Variants in TET2 observed in about 807,000 individuals in gnomAD.
TET2 encodes the protein methylcytosine dioxygenase TET2.
In TET2, 299 loss-of-function variants were observed where a neutral mutation model predicts 142.9. The observed-to-expected ratio is 2.09, with a 90% CI of 1.90 to 2.30. The LOEUF is 2.30. Among genes scored for constraint, TET2 ranks in the 30% most tolerant of loss-of-function variants. The pLI is 0.00. For missense variants in TET2, 2,418 were observed against 2,378.0 expected (o/e 1.02, Z -0.35); for synonymous variants, 819 against 849.0 (o/e 0.96, Z 0.61).
intron 4 of TET2, chr4:105,242,185 T>A: frequency 9.0e-7 from 1 of 1,113,130 alleles, no homozygotes; most frequent in Non-Finnish European, 1.1e-6. Flanking sequence ...TTCCAAATTA[T>A]TCATTTCTAA....
chr4:105,264,142 A>G (rs1730579594), intron 8 of TET2, among the ~76,000 whole-genome samples: 1 of 151,984 alleles, frequency 6.6e-6, no homozygotes, highest in Admixed American at 6.6e-5. Context: ...AGGCAAATTA[A>G]ACGATGGTCT....
chr4:105,278,047 G>C lies in TET2; in HGVS notation c.*1528G>C. On this transcript the variant is annotated 3_prime_UTR_variant, in exon 11 of 11. Coordinates refer to ENST00000380013, the MANE Select transcript of TET2 (RefSeq NM_001127208.3). ...CAAAAACAGGCAGCTGGTTTGCTGT[G>C]GTGGTTTTAAATCATTAATTTGTAT... is the stretch of plus-strand genomic sequence containing the variant. The C allele has an allele frequency of 4.8e-6, 1 of 209,114 alleles. No homozygotes were observed. Among genetic ancestry groups the C allele is most frequent in the Non-Finnish European group, 9.7e-6 (1 of 103,072 alleles). The allele number at this position is 209,114 out of a possible 1,614,324, so 13.0% of individuals were successfully genotyped here. A position where few individuals can be genotyped will look rare whatever the true frequency, so the allele number is the denominator to read the frequency against.
intron 1 of TET2, among the ~76,000 whole-genome samples, chr4:105,171,054 C>CT (rs1044543989): frequency 2.6e-5 from 4 of 151,314 alleles, no homozygotes; most frequent in Non-Finnish European, 1.5e-5. Context: ...CTTCTTCATT[C>CT]TTTTTTTTTA....
chr4:105,234,981 G>A lies in TET2; in HGVS notation c.1039G>A (p.Ala347Thr), dbSNP rs748012727. 1.2e-6 allele frequency: 2 copies of A among 1,613,904 alleles called. No homozygotes were observed. The highest frequency in any genetic ancestry group is 1.7e-5 in the Admixed American group (1 of 59,970). ...ENNIQGTTKL[A>T]SGEEFCSGSS... The stretch of plus-strand genomic sequence containing the variant: ...TAACATCCAGGGAACCACAAAGCTA[G>A]CGTCTGGTGAAGAATTCTGTTCAGG... The change falls in exon 3 of 11, where the codon GCG (alanine) becomes ACG (threonine). Residue 347 changes from alanine to threonine, a missense_variant. Physicochemically the swap from Ala to Thr is moderately conservative, Grantham distance 58. Coordinates refer to ENST00000380013, the MANE Select transcript of TET2 (RefSeq NM_001127208.3).
chr4:105,243,712 C>CGGAGCTT lies in TET2; in HGVS notation c.3738_3744dup (p.Thr1249GlyfsTer21). The stretch of plus-strand genomic sequence containing the variant: ...CTGTCTCTGGCTGACAAACTCTACT[C>CGGAGCTT]GGAGCTTACCGAGACGCTGAGGAAA... On this transcript the variant is annotated frameshift_variant, in exon 6 of 11. Transcript: ENST00000380013. LOFTEE classifies it high-confidence loss of function. 6.4e-7 allele frequency: 1 copy of CGGAGCTT among 1,551,530 alleles called. No homozygotes were observed. The highest frequency in any genetic ancestry group is 8.7e-7 in the Non-Finnish European group (1 of 1,146,936).
At chr4:105,177,333 T>A (rs558296602) in intron 1 of TET2, among the ~76,000 whole-genome samples, 1 of 152,260 alleles carries the variant, frequency 6.6e-6, no homozygotes, top group South Asian at 2.1e-4. Context: ...ATTAAGAGAA[T>A]GAGAAGACAA....
intron 1 of TET2, among the ~76,000 whole-genome samples, chr4:105,186,747 C>T (rs1725480409): frequency 6.6e-6 from 1 of 152,140 alleles, no homozygotes; most frequent in Non-Finnish European, 1.5e-5. Context: ...GCTGGGATTG[C>T]AGGCATGAGC....
At chr4:105,256,314 ACT>A (rs1306963948) in intron 6 of TET2, among the ~76,000 whole-genome samples, 1 of 152,068 alleles carries the variant, frequency 6.6e-6, no homozygotes, top group African/African-American at 2.4e-5. Context: ...AAAACAATAA[ACT>A]CTTATTTATC....
At chr4:105,182,112 A>T (rs1251401151) in intron 1 of TET2, among the ~76,000 whole-genome samples, 1 of 152,200 alleles carries the variant, frequency 6.6e-6, no homozygotes, top group East Asian at 1.9e-4. Flanking sequence ...GTTAATAGTT[A>T]CATTTTTTTC....
At chr4:105,274,305 A>G (rs1023367663) in intron 10 of TET2, among the ~76,000 whole-genome samples, 1 of 152,204 alleles carries the variant, frequency 6.6e-6, no homozygotes, top group Non-Finnish European at 1.5e-5. Context: ...ATGACTTTTA[A>G]AAGTTTCATT....
rs1466270848 is a variant in TET2 at position 105,275,283 on chromosome 4, C to T, written c.4773C>T (p.Ser1591=). ...CACACACTTCAGATATCTATGGAAG[C>T]ACCAGCCCTATGAACTTCTATTCCA... is the stretch of plus-strand genomic sequence containing the variant. ...NSSHTSDIYG[S]TSPMNFYSTS... The change falls in exon 11 of 11, where the codon AGC becomes AGT. Residue 1591 remains serine, a synonymous_variant. Coordinates refer to ENST00000380013, the MANE Select transcript of TET2 (RefSeq NM_001127208.3). The T allele has an allele frequency of 6.4e-7, 1 of 1,552,236 alleles. No individual in the cohort carries two copies. The highest frequency in any genetic ancestry group is 1.4e-5 in the African/African-American group (1 of 73,168).
intron 2 of TET2, among the ~76,000 whole-genome samples, chr4:105,193,838 T>C (rs557219602): frequency 3.3e-5 from 5 of 152,324 alleles, no homozygotes; most frequent in African/African-American, 1.2e-4. Context: ...TAGGCTGAAT[T>C]AAGTTTCTAA....
chr4:105,190,284 T>C, intron 1 of TET2, 76 bp from the exon 2 acceptor site: 1 of 528,992 alleles, frequency 1.9e-6, no homozygotes, highest in Non-Finnish European at 3.4e-6. Context: ...CAAAACCTTT[T>C]AAACTCTTTA....
intron 3 of TET2, chr4:105,238,284 T>C (rs900219323): frequency 4.2e-6 from 1 of 239,664 alleles, no homozygotes; most frequent in Admixed American, 5.7e-5. Flanking sequence ...TGCTGAAGGT[T>C]GCTGGGATGG....
intron 6 of TET2, among the ~76,000 whole-genome samples, chr4:105,249,001 C>CT (rs60525299): frequency 0.17 from 22,724 of 131,714 alleles, 2,132 homozygotes; most frequent in East Asian, 0.28. Flanking sequence ...TTTTCTTTTT[C>CT]TTTTTTTTTT....
intron 6 of TET2, among the ~76,000 whole-genome samples, chr4:105,250,324 A>G (rs6818592): frequency 6.4e-5 from 9 of 140,204 alleles, no homozygotes; most frequent in African/African-American, 2.4e-4. Context: ...TTTGCCTACC[A>G]TGTTTCTTGG....
chr4:105,275,380 CAG>C lies in TET2; in HGVS notation c.4872_4873del (p.Asn1625TyrfsTer35), dbSNP rs1425871974. 1 of 1,551,502 alleles carries C rather than the reference CAG, an allele frequency of 6.4e-7. No homozygotes were observed. On this transcript the variant is annotated frameshift_variant, in exon 11 of 11. Transcript: ENST00000380013. LOFTEE classifies it low-confidence loss of function (END_TRUNC). ...PMNPYPGLLN[Q>X]NTQYPSYQCN... ...GAACCCTTACCCTGGGCTTTTGAAT[CAG>C]AATACCCAATATCCATCATATCAAT... is the stretch of plus-strand genomic sequence containing the variant.
chr4:105,192,113 A>G (rs1339102283), intron 2 of TET2, among the ~76,000 whole-genome samples: 1 of 152,152 alleles, frequency 6.6e-6, no homozygotes, highest in Non-Finnish European at 1.5e-5. Flanking sequence ...TAATGAAGTC[A>G]TAACATTAGT....
At chr4:105,263,015 A>T (rs977257933) in intron 8 of TET2, among the ~76,000 whole-genome samples, 12 of 145,740 alleles carry the variant, frequency 8.2e-5, no homozygotes, top group African/African-American at 2.7e-4. Flanking sequence ...GGTGACAAAG[A>T]TGACCCAGAT....
Sources: allele counts gnomAD v4.1 joint callset (sites outside exome capture counted in the v4.1 genomes callset), GRCh38; gene constraint gnomAD v4.1.1; transcripts MANE v1.5; gene names NCBI Gene and HGNC (gene_info 2026-07-23, HGNC 2026-07-21).